Variants in CPXM2 observed in about 807,000 individuals in gnomAD.
The protein encoded by CPXM2 is inactive carboxypeptidase-like protein X2.
CPXM2 carries 66 observed loss-of-function variants against 86.1 expected under a neutral mutation model. The ratio of observed to expected loss-of-function variants is 0.77; its 90% CI spans 0.63 to 0.94. The LOEUF (loss-of-function observed/expected upper bound fraction) is 0.94, where lower values mean the gene tolerates loss of function less well. CPXM2 is among the 40% of genes least tolerant of loss of function. CPXM2 has a pLI of 0.00. For missense variants in CPXM2, 948 were observed against 1,026.3 expected (o/e 0.92, Z 1.04); for synonymous variants, 388 against 400.2 (o/e 0.97, Z 0.36).
intron 3 of CPXM2, among the ~76,000 whole-genome samples, chr10:123,860,917 A>T (rs1180084182): frequency 6.6e-6 from 1 of 152,242 alleles, no homozygotes; most frequent in Non-Finnish European, 1.5e-5. Flanking sequence ...TTAGTTCTAC[A>T]AATGTTCTAC....
At chr10:123,871,433 A>G (rs532621603) in intron 2 of CPXM2, among the ~76,000 whole-genome samples, 4 of 152,318 alleles carry the variant, frequency 2.6e-5, no homozygotes, top group African/African-American at 9.6e-5. Flanking sequence ...CGTTGCTTAT[A>G]AGGCTCAAAA....
intron 4 of CPXM2, among the ~76,000 whole-genome samples, chr10:123,832,395 G>A (rs1848184234): frequency 1.3e-5 from 2 of 152,164 alleles, no homozygotes; most frequent in Admixed American, 1.3e-4. Context: ...AGTGTTGTGG[G>A]GAGGGATGTG....
At chr10:123,825,604 C>T (rs1407816698) in intron 4 of CPXM2, among the ~76,000 whole-genome samples, 1 of 152,218 alleles carries the variant, frequency 6.6e-6, no homozygotes, top group East Asian at 1.9e-4. Flanking sequence ...TAAACCTCAC[C>T]TTGCCTTCCA....
chr10:123,928,514 C>T (rs1945642214), intron 2 of CPXM2, among the ~76,000 whole-genome samples: 1 of 152,210 alleles, frequency 6.6e-6, no homozygotes, highest in African/African-American at 2.4e-5. Flanking sequence ...CCCCTTGATC[C>T]TATGTTGACC....
chr10:123,919,995 C>T (rs1488489157), intron 2 of CPXM2, among the ~76,000 whole-genome samples: 1 of 152,178 alleles, frequency 6.6e-6, no homozygotes, highest in Non-Finnish European at 1.5e-5. Context: ...ACAAGGACAG[C>T]ACCAAGCCTT....
intron 7 of CPXM2, among the ~76,000 whole-genome samples, chr10:123,777,959 C>T (rs764547054): frequency 1.3e-5 from 2 of 152,162 alleles, no homozygotes; most frequent in African/African-American, 2.4e-5. Context: ...TTGCAACACA[C>T]GCTATGAAGG....
chr10:123,870,274 A>T (rs1257452956), intron 2 of CPXM2, among the ~76,000 whole-genome samples: 2 of 152,220 alleles, frequency 1.3e-5, no homozygotes, highest in East Asian at 3.9e-4. Flanking sequence ...GCATAACACA[A>T]ATGAAGTTGC....
intron 4 of CPXM2, among the ~76,000 whole-genome samples, chr10:123,829,548 T>C (rs1410524148): frequency 6.6e-6 from 1 of 152,134 alleles, no homozygotes; most frequent in African/African-American, 2.4e-5. Context: ...AAAGTCAACA[T>C]CATGTCTTTA....
At chr10:123,768,779 G>T in intron 8 of CPXM2, 57 bp from the exon 9 acceptor site, 1 of 1,479,108 alleles carries the variant, frequency 6.8e-7, no homozygotes. Context: ...AGGGCCAAAC[G>T]GTGCTTGTCA....
At chr10:123,939,602 G>C (rs1945756117) in intron 1 of CPXM2, 1 of 152,242 alleles carries the variant, frequency 6.6e-6, no homozygotes, top group African/African-American at 2.4e-5. Flanking sequence ...AATGTCATGA[G>C]ACTCTGCGTC....
chr10:123,748,793 G>C (rs1458688279), intron 13 of CPXM2, among the ~76,000 whole-genome samples: 1 of 152,094 alleles, frequency 6.6e-6, no homozygotes, highest in South Asian at 2.1e-4. Context: ...TGTCTTTGGA[G>C]ATCTCCCTCA....
At chr10:123,866,514 G>A (rs1564805160) in intron 2 of CPXM2, among the ~76,000 whole-genome samples, 1 of 151,798 alleles carries the variant, frequency 6.6e-6, no homozygotes, top group Non-Finnish European at 1.5e-5. Context: ...GCAGTGAGCC[G>A]AGATCGTGCC....
rs898757040 is a variant in CPXM2, at chr10:123,746,317, C to T, written c.*447G>A. ...TGGATTCTCTTAGGACGCCTGGGAG[C>T]ATCTCAAATGGTAACATTTGGGACA... On this transcript the variant is annotated 3_prime_UTR_variant, in exon 14 of 14. Transcript: ENST00000241305. 1 of 177,546 alleles carries T rather than the reference C, an allele frequency of 5.6e-6. No homozygotes were observed. The highest frequency in any genetic ancestry group is 1.2e-5 in the Non-Finnish European group (1 of 84,408). 11.0% of individuals were successfully genotyped at this position (177,546 alleles called of 1,614,324 possible). A position where few individuals can be genotyped will look rare whatever the true frequency, so the allele number is the denominator to read the frequency against.
chr10:123,832,883 G>A (rs556869087), intron 4 of CPXM2, among the ~76,000 whole-genome samples: 1 of 151,522 alleles, frequency 6.6e-6, no homozygotes, highest in East Asian at 1.9e-4. Flanking sequence ...GAATGGATTA[G>A]CGCTCTTACA....
At chr10:123,761,218 G>A (rs1292980096) in intron 11 of CPXM2, among the ~76,000 whole-genome samples, 1 of 152,220 alleles carries the variant, frequency 6.6e-6, no homozygotes, top group Non-Finnish European at 1.5e-5. Flanking sequence ...GCAGCACACA[G>A]TCGGCGTTGA....
intron 13 of CPXM2, chr10:123,751,059 G>C (rs140322794): frequency 2.0e-6 from 2 of 985,254 alleles, no homozygotes; most frequent in Non-Finnish European, 2.4e-6. Flanking sequence ...TGGGCATCCC[G>C]GGCATTCATG....
intron 1 of CPXM2, among the ~76,000 whole-genome samples, chr10:123,883,464 G>A (rs1020537218): frequency 1.3e-5 from 2 of 152,226 alleles, no homozygotes; most frequent in East Asian, 1.9e-4. Context: ...AACAATACCT[G>A]CCACGGTGGA....
At chr10:123,880,701 C>T (rs1036580996) in intron 1 of CPXM2, among the ~76,000 whole-genome samples, 3 of 151,676 alleles carry the variant, frequency 2.0e-5, no homozygotes, top group Non-Finnish European at 4.4e-5. Flanking sequence ...TGGTGGCGGG[C>T]ACCTGTAGTC....
chr10:123,910,540 T>C (rs1260235078), intron 2 of CPXM2, among the ~76,000 whole-genome samples: 1 of 152,150 alleles, frequency 6.6e-6, no homozygotes, highest in African/African-American at 2.4e-5. Context: ...AAGGGCTACC[T>C]CAGCACCTCC....
Sources: gnomAD v4.1 joint callset for allele counts (sites outside exome capture counted in the v4.1 genomes callset) on GRCh38, gnomAD v4.1.1 for gene constraint, MANE v1.5 for transcripts, NCBI Gene and HGNC (gene_info 2026-07-23, HGNC 2026-07-21) for gene names.